ST8SIA2: variants seen among roughly 807,000 people sequenced by gnomAD.
ST8SIA2 encodes alpha-2,8-sialyltransferase 8B.
In ST8SIA2, 22 loss-of-function variants were observed where a neutral mutation model predicts 37.6. The observed-to-expected ratio is 0.58, with a 90% CI of 0.42 to 0.83. The LOEUF (loss-of-function observed/expected upper bound fraction) is 0.83. ST8SIA2 is among the 40% of genes least tolerant of loss of function. ST8SIA2 has a pLI of 0.00. For missense variants in ST8SIA2, 382 were observed against 484.7 expected (o/e 0.79, Z 1.99); for synonymous variants, 205 against 201.2 (o/e 1.02, Z -0.16).
At chr15:92,425,606 C>T (rs2049669701) in intron 1 of ST8SIA2, among the ~76,000 whole-genome samples, 1 of 152,154 alleles carries the variant, frequency 6.6e-6, no homozygotes, top group Non-Finnish European at 1.5e-5. Context: ...GGGCTCTACA[C>T]AAGGAGATAC....
intron 1 of ST8SIA2, among the ~76,000 whole-genome samples, chr15:92,427,253 C>A: frequency 9.4e-6 from 1 of 106,830 alleles, no homozygotes; most frequent in African/African-American, 4.0e-5. Context: ...GGAGGTTGGG[C>A]ACTTGGCAAA....
chr15:92,444,723 G>A lies in ST8SIA2; in HGVS notation c.636G>A (p.Arg212=), dbSNP rs553689793. 5.0e-6 allele frequency: 8 copies of A among 1,614,222 alleles called. No individual in the cohort carries two copies. In the Admixed American group the frequency reaches 8.3e-5, roughly 17 times the overall value. Reference sequence around the variant, plus strand: ...CCATGAACCCCTCGGTCATCCAGCGGGCCTTTGAGGACTTGGTCAATGCCA... The same window carrying A: ...CCATGAACCCCTCGGTCATCCAGCGAGCCTTTGAGGACTTGGTCAATGCCA... The part of the protein sequence containing the change: ...LVTMNPSVIQ[R]AFEDLVNATW... Residue 212 remains arginine, a synonymous_variant, in exon 5 of 6, where the codon CGG becomes CGA. Coordinates refer to ENST00000268164, the MANE Select transcript of ST8SIA2 (RefSeq NM_006011.4).
At chr15:92,438,322 G>A in intron 3 of ST8SIA2, 31 bp from the exon 4 acceptor site, 1 of 1,614,170 alleles carries the variant, frequency 6.2e-7, no homozygotes, top group Non-Finnish European at 8.5e-7. Context: ...GCACCCTGGA[G>A]AATTTCCTCA....
chr15:92,460,088 C>T (rs186162059), intron 5 of ST8SIA2, among the ~76,000 whole-genome samples: 1 of 152,166 alleles, frequency 6.6e-6, no homozygotes, highest in Non-Finnish European at 1.5e-5. Context: ...CAGTCACGTG[C>T]CCTGCAAGGC....
At chr15:92,438,304 G>C in intron 3 of ST8SIA2, 49 bp from the exon 4 acceptor site, 4 of 1,614,128 alleles carry the variant, frequency 2.5e-6, no homozygotes, top group Non-Finnish European at 3.4e-6. Flanking sequence ...GCTGGCAAAG[G>C]GCAGCTGGCA....
At chr15:92,400,142 TTC>T (rs1357901271) in intron 1 of ST8SIA2, among the ~76,000 whole-genome samples, 1 of 152,212 alleles carries the variant, frequency 6.6e-6, no homozygotes, top group Non-Finnish European at 1.5e-5. Flanking sequence ...GGCCCTTCCT[TTC>T]TCTCACTGCT....
chr15:92,400,507 G>A (rs1347466448), intron 1 of ST8SIA2, among the ~76,000 whole-genome samples: 2 of 152,186 alleles, frequency 1.3e-5, no homozygotes, highest in African/African-American at 4.8e-5. Context: ...ATCTAGCGTG[G>A]AGGGTGCATC....
intron 1 of ST8SIA2, among the ~76,000 whole-genome samples, chr15:92,396,769 G>A (rs1377924395): frequency 1.3e-5 from 2 of 152,126 alleles, no homozygotes; most frequent in South Asian, 2.1e-4. Context: ...GATTACAGGC[G>A]TGAGCCACCC....
intron 1 of ST8SIA2, among the ~76,000 whole-genome samples, chr15:92,424,910 G>A (rs1175299113): frequency 6.6e-6 from 1 of 152,178 alleles, no homozygotes; most frequent in Non-Finnish European, 1.5e-5. Flanking sequence ...GACCTTTAAA[G>A]TCGTCAACCT....
At chr15:92,416,059 C>G (rs751691648) in intron 1 of ST8SIA2, among the ~76,000 whole-genome samples, 36 of 152,110 alleles carry the variant, frequency 2.4e-4, no homozygotes, top group Non-Finnish European at 4.7e-4. Context: ...GCATGTGGCA[C>G]ACTGCATTTC....
At chr15:92,410,981 G>A (rs936270638) in intron 1 of ST8SIA2, among the ~76,000 whole-genome samples, 9 of 152,176 alleles carry the variant, frequency 5.9e-5, no homozygotes, top group South Asian at 2.1e-4. Context: ...TTTGTGACGC[G>A]GCTGCCACAG....
At chr15:92,395,590 A>G (rs1355705161) in intron 1 of ST8SIA2, among the ~76,000 whole-genome samples, 1 of 152,220 alleles carries the variant, frequency 6.6e-6, no homozygotes, top group Non-Finnish European at 1.5e-5. Flanking sequence ...AATGCTGCGC[A>G]GTTAATACAC....
chr15:92,418,789 C>A (rs1202002514), intron 1 of ST8SIA2, among the ~76,000 whole-genome samples: 1 of 152,096 alleles, frequency 6.6e-6, no homozygotes, highest in Non-Finnish European at 1.5e-5. Flanking sequence ...AGAGAAAAAT[C>A]ACAATTTTTA....
intron 2 of ST8SIA2, among the ~76,000 whole-genome samples, chr15:92,433,803 G>A (rs907213650): frequency 6.6e-6 from 1 of 152,206 alleles, no homozygotes; most frequent in Non-Finnish European, 1.5e-5. Context: ...GGAGGAGGGT[G>A]AAGCCACAGG....
intron 1 of ST8SIA2, among the ~76,000 whole-genome samples, chr15:92,395,199 G>T (rs995907020): frequency 3.9e-5 from 6 of 152,236 alleles, no homozygotes; most frequent in Non-Finnish European, 8.8e-5. Flanking sequence ...CCTGGGCAAG[G>T]GGAAGGTGAG....
chr15:92,429,959 C>G, intron 1 of ST8SIA2, 90 bp from the exon 2 acceptor site: 3 of 1,402,796 alleles, frequency 2.1e-6, no homozygotes, highest in Middle Eastern at 1.8e-4. Flanking sequence ...CTGTAGTTTT[C>G]CAGGTGGGCT....
chr15:92,460,316 T>C (rs944440095), intron 5 of ST8SIA2, among the ~76,000 whole-genome samples: 1 of 152,198 alleles, frequency 6.6e-6, no homozygotes, highest in Non-Finnish European at 1.5e-5. Context: ...GGTAGTGAGA[T>C]CCAGGCAGCT....
At chr15:92,435,635 T>C (rs2049751347) in intron 3 of ST8SIA2, among the ~76,000 whole-genome samples, 1 of 152,140 alleles carries the variant, frequency 6.6e-6, no homozygotes, top group South Asian at 2.1e-4. Flanking sequence ...TTTTGGGACC[T>C]GTGCAGGGCT....
At chr15:92,416,996 G>A (rs571846037) in intron 1 of ST8SIA2, among the ~76,000 whole-genome samples, 1 of 152,310 alleles carries the variant, frequency 6.6e-6, no homozygotes, top group South Asian at 2.1e-4. Context: ...GCTTTTCCAA[G>A]GGGACTTGTC....
Sources: gnomAD v4.1 joint callset for allele counts (sites outside exome capture counted in the v4.1 genomes callset) on GRCh38, gnomAD v4.1.1 for gene constraint, MANE v1.5 for transcripts, NCBI Gene and HGNC (gene_info 2026-07-23, HGNC 2026-07-21) for gene names.